The following KCNAB1 variants were observed in gnomAD, a reference collection of about 807,000 sequenced individuals.
KCNAB1 encodes potassium voltage-gated channel subfamily A regulatory beta subunit 1, also known as voltage-gated potassium channel subunit beta-1.
KCNAB1 carries 35 observed loss-of-function variants against 64.6 expected under a neutral mutation model. The ratio of observed to expected loss-of-function variants is 0.54; its 90% CI spans 0.41 to 0.72. The LOEUF is 0.72. Ranked by LOEUF, KCNAB1 falls within the 30% of genes least tolerant of loss-of-function variation. The pLI, the probability that KCNAB1 is intolerant of heterozygous loss-of-function variation, is 0.00. For missense variants in KCNAB1, 401 were observed against 512.9 expected, an observed-to-expected ratio of 0.78 and a Z score of 2.11; for synonymous variants, 177 against 183.8, an observed-to-expected ratio of 0.96 and a Z score of 0.30.
At chr3:156,394,568 G>A (rs1056537197) in intron 1 of KCNAB1, among the ~76,000 whole-genome samples, 9 of 150,462 alleles carry the variant, frequency 6.0e-5, no homozygotes, top group African/African-American at 2.2e-4. Flanking sequence ...TGAACATAGT[G>A]AAGACAAGCT....
Position 156,209,953 on chromosome 3 carries a change from A to C in KCNAB1, c.275+89067A>C, listed in dbSNP as rs373328033. On this transcript the variant is annotated intron_variant, in intron 1 of 13. Coordinates refer to ENST00000490337, the MANE Select transcript of KCNAB1 (RefSeq NM_172160.3). Reference sequence around the variant, plus strand: ...TTAGACATTAGAGACAATTTCTTGAAAAAAAGATCTTTAAACTGTTAGCTT... The same window carrying C: ...TTAGACATTAGAGACAATTTCTTGACAAAAAGATCTTTAAACTGTTAGCTT... Among the ~76,000 whole-genome samples, 321 of 152,334 alleles carry C rather than the reference A, an allele frequency of 2.1e-3. 1 individual carries two copies. Among genetic ancestry groups the C allele is most frequent in the African/African-American group, 7.1e-3 (294 of 41,578 alleles).
intron 1 of KCNAB1, among the ~76,000 whole-genome samples, chr3:156,387,160 T>A (rs1712680676): frequency 6.6e-6 from 1 of 152,068 alleles, no homozygotes; most frequent in African/African-American, 2.4e-5. Flanking sequence ...GACACAGGGA[T>A]GAAGTCCCAG....
chr3:156,297,850 A>C (rs1720902859), intron 1 of KCNAB1, among the ~76,000 whole-genome samples: 1 of 151,986 alleles, frequency 6.6e-6, no homozygotes, highest in East Asian at 1.9e-4. Flanking sequence ...AGGTGGGCTG[A>C]AGAGGAGGAA....
chr3:156,130,831 T>C (rs900905517), intron 1 of KCNAB1, among the ~76,000 whole-genome samples: 1 of 152,204 alleles, frequency 6.6e-6, no homozygotes, highest in African/African-American at 2.4e-5. Context: ...ATCAAAAGGC[T>C]GGGAGGCTGG....
At chr3:156,234,460 T>C (rs1442256253) in intron 1 of KCNAB1, among the ~76,000 whole-genome samples, 1 of 152,004 alleles carries the variant, frequency 6.6e-6, no homozygotes, top group South Asian at 2.1e-4. Context: ...TCCATAGGAA[T>C]AGGTGAAAGG....
intron 1 of KCNAB1, among the ~76,000 whole-genome samples, chr3:156,197,662 A>G (rs1714043179): frequency 6.6e-6 from 1 of 151,836 alleles, no homozygotes; most frequent in South Asian, 2.1e-4. Flanking sequence ...ATCATTTTTT[A>G]TTGTGTTTAT....
chr3:156,526,229 C>G (rs1184117719), intron 12 of KCNAB1, among the ~76,000 whole-genome samples: 1 of 152,184 alleles, frequency 6.6e-6, no homozygotes, highest in East Asian at 1.9e-4. Context: ...GCTATACCAA[C>G]TAGGTTTGCA....
At position 156,356,118 on chromosome 3, in the gene KCNAB1, TAAAA is replaced by T. The variant is rs369640404; in HGVS notation, c.276-65484_276-65481del. Among the ~76,000 whole-genome samples, 12 of 88,318 alleles carry T rather than the reference TAAAA, an allele frequency of 1.4e-4. No homozygotes were observed. The East Asian group carries it at 2.1e-3, about 16-fold the overall frequency. 57.9% of individuals were successfully genotyped at this position (88,318 alleles called of 152,430 possible). ...GCCTGAGTGACAGAGTGGGACCCTGTAAAAAAAAAAAAAAAAAGAAAGAAAAGAA... is the reference window on the plus strand; with the variant it reads ...GCCTGAGTGACAGAGTGGGACCCTGTAAAAAAAAAAAAAGAAAGAAAAGAA... On this transcript the variant is annotated intron_variant, in intron 1 of 13. Coordinates refer to ENST00000490337, the MANE Select transcript of KCNAB1 (RefSeq NM_172160.3).
chr3:156,203,908 T>C (rs923503352), intron 1 of KCNAB1, among the ~76,000 whole-genome samples: 1 of 152,240 alleles, frequency 6.6e-6, no homozygotes, highest in Non-Finnish European at 1.5e-5. Flanking sequence ...GATCTTCTTC[T>C]AAACTTCTGT....
At chr3:156,173,986 C>T (rs905737068) in intron 1 of KCNAB1, among the ~76,000 whole-genome samples, 6 of 152,232 alleles carry the variant, frequency 3.9e-5, no homozygotes, top group Non-Finnish European at 7.3e-5. Context: ...ACCATTGGCT[C>T]TCCTGGTCCT....
chr3:156,334,342 A>G (rs887409169), intron 1 of KCNAB1, among the ~76,000 whole-genome samples: 2 of 152,196 alleles, frequency 1.3e-5, no homozygotes, highest in Non-Finnish European at 2.9e-5. Flanking sequence ...CTTTTTGACA[A>G]ATGAATGTGT....
At chr3:156,292,672 G>C (rs568134166) in intron 1 of KCNAB1, among the ~76,000 whole-genome samples, 1 of 152,210 alleles carries the variant, frequency 6.6e-6, no homozygotes, top group African/African-American at 2.4e-5. Flanking sequence ...CTCCTGAGTA[G>C]CTGGAATTAC....
chr3:156,177,470 A>C (rs1712465947), intron 1 of KCNAB1, among the ~76,000 whole-genome samples: 1 of 151,364 alleles, frequency 6.6e-6, no homozygotes. Context: ...TCCGCCTTCC[A>C]GGTTCACACC....
chr3:156,162,379 G>T (rs553889994), intron 1 of KCNAB1, among the ~76,000 whole-genome samples: 1 of 152,038 alleles, frequency 6.6e-6, no homozygotes, highest in Admixed American at 6.6e-5. Flanking sequence ...CACCTGCTAC[G>T]TGGAAGATAT....
At chr3:156,127,006 C>T (rs1396193901) in intron 1 of KCNAB1, among the ~76,000 whole-genome samples, 3 of 152,210 alleles carry the variant, frequency 2.0e-5, no homozygotes, top group Admixed American at 6.5e-5. Flanking sequence ...AGTGTACTCA[C>T]ACTGATACTG....
chr3:156,365,574 G>A (rs981169801), intron 1 of KCNAB1, among the ~76,000 whole-genome samples: 7 of 152,078 alleles, frequency 4.6e-5, no homozygotes, highest in East Asian at 1.9e-4. Context: ...GTGATTGCAC[G>A]CTTTCATATT....
At chr3:156,387,046 A>T (rs1576803007) in intron 1 of KCNAB1, among the ~76,000 whole-genome samples, 5 of 75,542 alleles carry the variant, frequency 6.6e-5, no homozygotes, top group Admixed American at 3.0e-4. Context: ...CCTGTATGCT[A>T]CTCTACAATC....
chr3:156,224,547 A>C (rs1716029963), intron 1 of KCNAB1, among the ~76,000 whole-genome samples: 1 of 152,244 alleles, frequency 6.6e-6, no homozygotes, highest in South Asian at 2.1e-4. Flanking sequence ...ACCCAAACCC[A>C]GCAGAAGAAA....
At chr3:156,512,057 C>T (rs1227186399) in intron 8 of KCNAB1, among the ~76,000 whole-genome samples, 2 of 152,194 alleles carry the variant, frequency 1.3e-5, no homozygotes, top group African/African-American at 4.8e-5. Context: ...ACCTTCCTTA[C>T]TGCACTAAAT....
Sources: gnomAD v4.1 joint callset for allele counts (sites outside exome capture counted in the v4.1 genomes callset) on GRCh38, gnomAD v4.1.1 for gene constraint, MANE v1.5 for transcripts, NCBI Gene and HGNC (gene_info 2026-07-23, HGNC 2026-07-21) for gene names.